The following CEP63 variants were observed in gnomAD, a reference collection of about 807,000 sequenced individuals.
The protein encoded by CEP63 is centrosomal protein 63.
CEP63 carries 84 observed loss-of-function variants against 89.1 expected under a neutral mutation model. That is an observed-to-expected ratio of 0.94 (90% confidence interval 0.79 to 1.13). The LOEUF (loss-of-function observed/expected upper bound fraction) is 1.13, where lower values mean the gene tolerates loss of function less well. Among genes scored for constraint, CEP63 ranks in the 50% most tolerant of loss-of-function variants. The probability of loss-of-function intolerance (pLI) is 0.00; values close to 1 mark genes in which losing one functional copy is unlikely to be tolerated. For missense variants in CEP63, 838 were observed against 813.3 expected, an observed-to-expected ratio of 1.03 and a Z score of -0.37; for synonymous variants, 267 against 272.5, an observed-to-expected ratio of 0.98 and a Z score of 0.20.
chr3:134,590,454 A>G (rs561014266), downstream of CEP63, among the ~76,000 whole-genome samples: 21 of 152,322 alleles, frequency 1.4e-4, no homozygotes, highest in Admixed American at 9.1e-4. Flanking sequence ...ATTATCAAAA[A>G]TATACCTGCA....
chr3:134,603,364 AC>A, the CEP63 span: 1 of 487,384 alleles, frequency 2.1e-6, no homozygotes, highest in African/African-American at 1.9e-5. Context: ...CTAAAGAGCC[AC>A]TGCCTCTGCC....
chr3:134,576,046 G>A (rs2110308800), downstream of CEP63, among the ~76,000 whole-genome samples: 2 of 152,084 alleles, frequency 1.3e-5, no homozygotes, highest in Middle Eastern at 3.4e-3. Flanking sequence ...TTACATGTAA[G>A]CCCCCTTAAA....
At chr3:134,549,562 T>C (rs1436150365) in intron 10 of CEP63, among the ~76,000 whole-genome samples, 1 of 152,222 alleles carries the variant, frequency 6.6e-6, no homozygotes, top group Non-Finnish European at 1.5e-5. Context: ...ATGATGTAGT[T>C]AGTATCCTTG....
chr3:134,631,677 A>G, the CEP63 span, among the ~76,000 whole-genome samples: 1 of 152,146 alleles, frequency 6.6e-6, no homozygotes, highest in Non-Finnish European at 1.5e-5. Flanking sequence ...ATGAAAAGTT[A>G]AGTACATATA....
At chr3:134,675,585 G>A in the CEP63 span, among the ~76,000 whole-genome samples, 2 of 152,102 alleles carry the variant, frequency 1.3e-5, no homozygotes, top group African/African-American at 4.8e-5. Context: ...TATCAAGAAA[G>A]TGAAAAGTTC....
the CEP63 span, among the ~76,000 whole-genome samples, chr3:134,741,987 AGTGTGTGTGT>A: frequency 1.4e-5 from 2 of 147,508 alleles, no homozygotes; most frequent in Admixed American, 6.8e-5. Context: ...CTGAGAGACC[AGTGTGTGTGT>A]GTGTGTGTGT....
At chr3:134,688,142 G>A in the CEP63 span, among the ~76,000 whole-genome samples, 7 of 152,122 alleles carry the variant, frequency 4.6e-5, no homozygotes, top group African/African-American at 1.7e-4. Flanking sequence ...ATTCATGATC[G>A]CCACAAGGTG....
At chr3:134,620,393 G>A in the CEP63 span, among the ~76,000 whole-genome samples, 1 of 152,124 alleles carries the variant, frequency 6.6e-6, no homozygotes, top group Admixed American at 6.5e-5. Flanking sequence ...CCCCACCAAT[G>A]GTAATCCTTC....
chr3:134,546,932 T>C (rs1407977857), intron 8 of CEP63, among the ~76,000 whole-genome samples: 2 of 152,172 alleles, frequency 1.3e-5, no homozygotes, highest in African/African-American at 4.8e-5. Flanking sequence ...GAATAAGTTG[T>C]GATTAGTAGC....
the CEP63 span, among the ~76,000 whole-genome samples, chr3:134,682,857 A>G: frequency 6.6e-6 from 1 of 152,240 alleles, no homozygotes; most frequent in Non-Finnish European, 1.5e-5. Flanking sequence ...ATCATGCTCA[A>G]GGCAGCAGGA....
the CEP63 span, among the ~76,000 whole-genome samples, chr3:134,771,724 G>T: frequency 1.3e-5 from 2 of 152,114 alleles, no homozygotes; most frequent in African/African-American, 4.8e-5. Context: ...ACCACGGCAC[G>T]TGTATACCTA....
At chr3:134,744,115 A>G in the CEP63 span, among the ~76,000 whole-genome samples, 1 of 152,294 alleles carries the variant, frequency 6.6e-6, no homozygotes, top group Non-Finnish European at 1.5e-5. Context: ...AAATAACTAG[A>G]GCCCTATCCA....
chr3:134,654,844 G>T, the CEP63 span, among the ~76,000 whole-genome samples: 2 of 151,930 alleles, frequency 1.3e-5, no homozygotes, highest in Non-Finnish European at 2.9e-5. Flanking sequence ...GCCTTCCTGG[G>T]TACCCCAGTC....
intron 10 of CEP63, among the ~76,000 whole-genome samples, chr3:134,584,518 G>C (rs1958436437): frequency 6.6e-6 from 1 of 152,134 alleles, no homozygotes; most frequent in Non-Finnish European, 1.5e-5. Flanking sequence ...TGAATCCCAG[G>C]GATGAAGCCA....
chr3:134,570,378 C>T (rs1450277663), intron 11 of CEP63, among the ~76,000 whole-genome samples: 1 of 152,202 alleles, frequency 6.6e-6, no homozygotes, highest in African/African-American at 2.4e-5. Context: ...TGCTTTGCTG[C>T]TTAGAAATTT....
At chr3:134,576,131 G>C (rs1235396524), downstream of CEP63, among the ~76,000 whole-genome samples, 1 of 152,058 alleles carries the variant, frequency 6.6e-6, no homozygotes, top group Non-Finnish European at 1.5e-5. Flanking sequence ...TTGAATGTTG[G>C]GCCTTTGGAT....
At chr3:134,629,725 AC>A in the CEP63 span, 1 of 1,455,818 alleles carries the variant, frequency 6.9e-7, no homozygotes, top group Non-Finnish European at 9.5e-7. Context: ...GACATTCTCA[AC>A]CAGATGCTGC....
At chr3:134,723,223 A>G in the CEP63 span, among the ~76,000 whole-genome samples, 2 of 152,262 alleles carry the variant, frequency 1.3e-5, no homozygotes, top group African/African-American at 4.8e-5. Context: ...AGTGGAGTGT[A>G]TGTTTCACCC....
chr3:134,647,185 C>A, the CEP63 span, among the ~76,000 whole-genome samples: 1 of 152,228 alleles, frequency 6.6e-6, no homozygotes, highest in Non-Finnish European at 1.5e-5. Flanking sequence ...GCTCAGCCAG[C>A]AAACAAATGG....
Sources: gnomAD v4.1 joint callset for allele counts (sites outside exome capture counted in the v4.1 genomes callset) on GRCh38, gnomAD v4.1.1 for gene constraint, MANE v1.5 for transcripts, NCBI Gene and HGNC (gene_info 2026-07-23, HGNC 2026-07-21) for gene names.